Variants in SYN3 observed in about 807,000 individuals in gnomAD.
The protein encoded by SYN3 is synapsin III, also known as synapsin-3.
SYN3 carries 35 observed loss-of-function variants against 65.8 expected under a neutral mutation model. The observed-to-expected ratio is 0.53, with a 90% CI of 0.41 to 0.70. The LOEUF is 0.70. Ranked by LOEUF, SYN3 falls within the 30% of genes least tolerant of loss-of-function variation. The pLI, the probability that SYN3 is intolerant of heterozygous loss-of-function variation, is 0.00. For synonymous variants in SYN3, 270 were observed against 292.9 expected (o/e 0.92, Z 0.80); for missense variants, 680 against 749.0 (o/e 0.91, Z 1.08).
At position 32,523,024 on chromosome 22, in the gene SYN3, T is replaced by C. The variant is rs73881703; in HGVS notation, c.1319-4690A>G. On this transcript the variant is annotated intron_variant, in intron 12 of 13. Coordinates refer to ENST00000358763, the MANE Select transcript of SYN3 (RefSeq NM_003490.4). ...ATTGGAGGGTTGTGACGACCTTGCA[T>C]TGAGCAAGTCTGTCAATGCTGTCCT... is the stretch of plus-strand genomic sequence containing the variant. Among the ~76,000 whole-genome samples the C allele has an allele frequency of 6.7e-3, 1,014 of 152,376 alleles. 5 individuals are homozygous for C. Among genetic ancestry groups the C allele is most frequent in the East Asian group, 0.036 (186 of 5,184 alleles).
At chr22:32,817,456 CA>C (rs1263375628) in intron 6 of SYN3, among the ~76,000 whole-genome samples, 2 of 152,146 alleles carry the variant, frequency 1.3e-5, no homozygotes, top group Admixed American at 1.3e-4. Flanking sequence ...CCCTTTTGCC[CA>C]CTTGCCTGCC....
At chr22:32,569,265 A>G (rs972251875) in intron 7 of SYN3, among the ~76,000 whole-genome samples, 1 of 140,196 alleles carries the variant, frequency 7.1e-6, no homozygotes, top group South Asian at 2.4e-4. Context: ...AAATCTATCT[A>G]TCTATCTATC....
intron 3 of SYN3, among the ~76,000 whole-genome samples, chr22:32,950,668 G>T (rs1328402718): frequency 6.6e-6 from 1 of 152,134 alleles, no homozygotes. Flanking sequence ...TATCTAGTTA[G>T]TAACATCCGC....
intron 4 of SYN3, among the ~76,000 whole-genome samples, chr22:32,919,454 G>A (rs2050277972): frequency 6.6e-6 from 1 of 152,192 alleles, no homozygotes; most frequent in Admixed American, 6.5e-5. Context: ...CATAATGAAT[G>A]AAAGGAAGGA....
At chr22:32,753,179 A>C (rs1193403510) in intron 6 of SYN3, among the ~76,000 whole-genome samples, 2 of 152,020 alleles carry the variant, frequency 1.3e-5, no homozygotes, top group Non-Finnish European at 2.9e-5. Flanking sequence ...CAGAAAACCA[A>C]ACAGTAGAGC....
At chr22:32,664,456 A>G in intron 6 of SYN3, among the ~76,000 whole-genome samples, 1 of 150,728 alleles carries the variant, frequency 6.6e-6, no homozygotes, top group East Asian at 1.9e-4. Context: ...TTTATTTATT[A>G]TTTTTTATTT....
At chr22:32,945,829 TCAAA>T (rs2051090611) in intron 3 of SYN3, among the ~76,000 whole-genome samples, 1 of 152,110 alleles carries the variant, frequency 6.6e-6, no homozygotes, top group Non-Finnish European at 1.5e-5. Context: ...TACAAAGTAC[TCAAA>T]CAAATTTACA....
rs543577924 is a variant in SYN3, at chr22:32,530,360, T to C, written c.1096-1352A>G. On this transcript the variant is annotated intron_variant, in intron 10 of 13. Transcript: ENST00000358763. The stretch of plus-strand genomic sequence containing the variant: ...CTTTGAGGCAGTACTATTATCCTCA[T>C]TGTAATCAAGAGGAAGCAGAGGGTC... Among the ~76,000 whole-genome samples, 19 of 152,302 alleles carry C rather than the reference T, an allele frequency of 1.2e-4. No homozygotes were observed. The South Asian group carries it at 3.7e-3, about 30-fold the overall frequency.
At chr22:32,776,733 G>A (rs1262600480) in intron 6 of SYN3, among the ~76,000 whole-genome samples, 1 of 152,144 alleles carries the variant, frequency 6.6e-6, no homozygotes, top group Non-Finnish European at 1.5e-5. Flanking sequence ...AGGATCAGAT[G>A]GGACAGAGGG....
chr22:32,998,716 T>C (rs977913750), intron 2 of SYN3, among the ~76,000 whole-genome samples: 12 of 147,590 alleles, frequency 8.1e-5, no homozygotes, highest in African/African-American at 1.3e-4. Flanking sequence ...TTTTGGGTCA[T>C]GTTAAAGGTT....
intron 6 of SYN3, among the ~76,000 whole-genome samples, chr22:32,737,097 C>A (rs1036474943): frequency 6.6e-6 from 1 of 152,034 alleles, no homozygotes; most frequent in Non-Finnish European, 1.5e-5. Context: ...ACGGTGTAGA[C>A]CCAAAGGGCC....
intron 3 of SYN3, among the ~76,000 whole-genome samples, chr22:32,945,030 C>G (rs57832939): frequency 6.6e-6 from 1 of 151,942 alleles, no homozygotes; most frequent in Non-Finnish European, 1.5e-5. Context: ...CACTGCTCAA[C>G]GAAATAAAGG....
chr22:32,865,505 G>A (rs1246297705), intron 5 of SYN3, among the ~76,000 whole-genome samples: 1 of 152,228 alleles, frequency 6.6e-6, no homozygotes, highest in Non-Finnish European at 1.5e-5. Context: ...GTAAACTGGA[G>A]ATCCAACCTC....
chr22:32,833,450 T>C (rs1344200754), intron 6 of SYN3, among the ~76,000 whole-genome samples: 1 of 152,152 alleles, frequency 6.6e-6, no homozygotes, highest in Non-Finnish European at 1.5e-5. Flanking sequence ...TGGCTTGACA[T>C]GGAACAGGCT....
At chr22:32,713,765 C>T (rs571730919) in intron 6 of SYN3, among the ~76,000 whole-genome samples, 69 of 150,180 alleles carry the variant, frequency 4.6e-4, no homozygotes, top group Non-Finnish European at 8.6e-4. Flanking sequence ...CGGGAGGCAA[C>T]GCTTGCAGTG....
At chr22:32,546,642 G>C (rs2058339919) in intron 7 of SYN3, among the ~76,000 whole-genome samples, 1 of 152,222 alleles carries the variant, frequency 6.6e-6, no homozygotes, top group Middle Eastern at 3.4e-3. Context: ...ATGGTGAAAT[G>C]GCTGCTAGCC....
chr22:32,993,591 G>A (rs1038594424), intron 2 of SYN3, among the ~76,000 whole-genome samples: 5 of 152,152 alleles, frequency 3.3e-5, no homozygotes, highest in Non-Finnish European at 7.3e-5. Flanking sequence ...TGATTCACCC[G>A]CCTTGGCCTC....
intron 4 of SYN3, among the ~76,000 whole-genome samples, chr22:32,929,054 C>T (rs1232049546): frequency 1.3e-5 from 2 of 152,096 alleles, no homozygotes; most frequent in Admixed American, 6.5e-5. Context: ...AGGCCAAGGC[C>T]GGGGGATCTC....
Position 32,626,825 on chromosome 22 carries a change from G to A in SYN3, c.712-30089C>T, listed in dbSNP as rs147449513. Among the ~76,000 whole-genome samples the A allele has an allele frequency of 9.8e-5, 15 of 152,298 alleles. No homozygotes were observed. In the East Asian group the frequency reaches 2.3e-3, roughly 24 times the overall value. ...AAGCTGTCGTTTTATCTTCCACAGC[G>A]TCTATCATGTAGTAGGTATTTGGTG... is the stretch of plus-strand genomic sequence containing the variant. On this transcript the variant is annotated intron_variant, in intron 6 of 13. Coordinates refer to ENST00000358763, the MANE Select transcript of SYN3 (RefSeq NM_003490.4).
Sources: allele counts gnomAD v4.1 joint callset (sites outside exome capture counted in the v4.1 genomes callset), GRCh38; gene constraint gnomAD v4.1.1; transcripts MANE v1.5; gene names NCBI Gene and HGNC (gene_info 2026-07-23, HGNC 2026-07-21).